The following NBAS variants were observed in gnomAD, a reference collection of about 807,000 sequenced individuals.
The protein encoded by NBAS is NBAS subunit of NRZ tethering complex, also known as NAG/BC035112 fusion.
A neutral mutation model predicts 302.5 loss-of-function variants in NBAS; 219 were observed. That is an observed-to-expected ratio of 0.72 (90% confidence interval 0.65 to 0.81). The LOEUF is 0.81. Ranked by LOEUF, NBAS falls within the 30% of genes least tolerant of loss-of-function variation. The pLI, the probability that NBAS is intolerant of heterozygous loss-of-function variation, is 0.00. For synonymous variants in NBAS, 1,118 were observed against 1,021.6 expected (o/e 1.09, Z -1.80); for missense variants, 2,932 against 2,841.6 (o/e 1.03, Z -0.72).
chr2:14,856,567 A>C, the NBAS span, among the ~76,000 whole-genome samples: 2 of 152,230 alleles, frequency 1.3e-5, no homozygotes, highest in Non-Finnish European at 2.9e-5. Flanking sequence ...ACAGAGAAGG[A>C]ATTCAAAATT....
intron 35 of NBAS, among the ~76,000 whole-genome samples, chr2:15,350,072 ATTAGATCC>A (rs1372094202): frequency 6.6e-6 from 1 of 152,274 alleles, no homozygotes; most frequent in East Asian, 1.9e-4. Context: ...ACACACGCAT[ATTAGATCC>A]ATGTTCACCA....
intron 40 of NBAS, among the ~76,000 whole-genome samples, chr2:15,294,805 T>A (rs944136247): frequency 6.6e-6 from 1 of 152,154 alleles, no homozygotes. Flanking sequence ...GTGCCCCAGA[T>A]TTACACCCCA....
chr2:15,254,030 G>C (rs998849166), intron 44 of NBAS, among the ~76,000 whole-genome samples: 1 of 152,130 alleles, frequency 6.6e-6, no homozygotes, highest in Non-Finnish European at 1.5e-5. Flanking sequence ...CTAAGATGTA[G>C]ACATAAGCAA....
At chr2:15,507,250 G>T (rs953440512) in intron 10 of NBAS, among the ~76,000 whole-genome samples, 1 of 152,166 alleles carries the variant, frequency 6.6e-6, no homozygotes, top group Non-Finnish European at 1.5e-5. Flanking sequence ...CAAGAGAAAA[G>T]TTACAGTACA....
At chr2:15,281,500 C>T (rs1001804388) in intron 42 of NBAS, among the ~76,000 whole-genome samples, 1 of 152,138 alleles carries the variant, frequency 6.6e-6, no homozygotes, top group African/African-American at 2.4e-5. Context: ...TGTGATGGGT[C>T]TGGTAAATCT....
intron 19 of NBAS, among the ~76,000 whole-genome samples, chr2:15,465,301 T>C (rs887986375): frequency 6.6e-6 from 1 of 152,214 alleles, no homozygotes; most frequent in African/African-American, 2.4e-5. Flanking sequence ...TGCCTGCCTT[T>C]TGTGAAAGGC....
the NBAS span, among the ~76,000 whole-genome samples, chr2:15,116,072 A>G: frequency 6.6e-6 from 1 of 152,176 alleles, no homozygotes; most frequent in Non-Finnish European, 1.5e-5. Context: ...AACAGCCACA[A>G]GAGAGTTGCA....
intron 23 of NBAS, among the ~76,000 whole-genome samples, chr2:15,423,072 AGAT>A (rs972074587): frequency 9.2e-5 from 14 of 152,312 alleles, no homozygotes; most frequent in African/African-American, 3.4e-4. Flanking sequence ...TTTTTTATAC[AGAT>A]TCTATTTTAA....
chr2:14,912,702 TTAAAAAAAAA>T, the NBAS span, among the ~76,000 whole-genome samples: 3 of 101,276 alleles, frequency 3.0e-5, no homozygotes, highest in Non-Finnish European at 6.7e-5. Flanking sequence ...GCATTCATTT[TTAAAAAAAAA>T]AAAAAAAAAA....
the NBAS span, among the ~76,000 whole-genome samples, chr2:14,779,319 G>A: frequency 6.6e-6 from 1 of 152,142 alleles, no homozygotes; most frequent in Non-Finnish European, 1.5e-5. Context: ...TGCAGCGCTT[G>A]GCCCCTTCAG....
chr2:15,052,838 T>C, the NBAS span, among the ~76,000 whole-genome samples: 1 of 152,374 alleles, frequency 6.6e-6, no homozygotes, highest in African/African-American at 2.4e-5. Flanking sequence ...TTTCAAATTA[T>C]ATGCATATTT....
At chr2:15,449,403 GT>G (rs1448841246) in intron 21 of NBAS, among the ~76,000 whole-genome samples, 1 of 152,134 alleles carries the variant, frequency 6.6e-6, no homozygotes, top group Non-Finnish European at 1.5e-5. Context: ...TCCATAGTCA[GT>G]CATGAGATGT....
In NBAS at chr2:15,461,286, G is replaced by A. The variant is rs2148559896; in HGVS notation, c.2254C>T (p.Leu752=). 1 of 1,613,180 alleles carries A rather than the reference G, an allele frequency of 6.2e-7. No homozygotes were observed. Among genetic ancestry groups the A allele is most frequent in the East Asian group, 2.2e-5 (1 of 44,854 alleles). ...EILFTYHGSD[L]LPHRLAILSN... ...AGAATTGCAAGGCGATGAGGAAGCA[G>A]GTCGGAACCATGGTAAGTAAACAGA... Residue 752 remains leucine, a synonymous_variant, in exon 21 of 52, where the codon CTG becomes TTG. Transcript: ENST00000281513.
At chr2:14,786,371 A>T in the NBAS span, among the ~76,000 whole-genome samples, 6 of 152,026 alleles carry the variant, frequency 3.9e-5, no homozygotes, top group Admixed American at 3.9e-4. Flanking sequence ...TAGCTTTTGA[A>T]TGTGTTTGCT....
chr2:15,216,098 A>G (rs1423937169), intron 48 of NBAS, among the ~76,000 whole-genome samples: 3 of 152,222 alleles, frequency 2.0e-5, no homozygotes, highest in Admixed American at 6.5e-5. Flanking sequence ...GATTTCAATC[A>G]GTAATGCCAG....
rs1019254389 is a variant in NBAS at position 15,501,404 on chromosome 2, A to G, written c.954+2741T>C. Among the ~76,000 whole-genome samples the G allele has an allele frequency of 2.0e-5, 3 of 152,184 alleles. No individual in the cohort carries two copies. The East Asian group carries it at 5.8e-4, about 29-fold the overall frequency. On this transcript the variant is annotated intron_variant, in intron 11 of 51. Transcript: ENST00000281513. The stretch of plus-strand genomic sequence containing the variant: ...CTGTGGACTACTAATTATTAATTCT[A>G]TAATTCAGGATATAAAGAAATTAAC...
In NBAS at chr2:15,258,824, T is replaced by C. The variant is rs531013739; in HGVS notation, c.5724+16660A>G. On this transcript the variant is annotated intron_variant, in intron 44 of 51. Coordinates refer to ENST00000281513, the MANE Select transcript of NBAS (RefSeq NM_015909.4). ...AGCATGTGATCTTTGTTCTCCTTTT[T>C]GCCCTTTGAAGCATGTGATCTTTGT... Among the ~76,000 whole-genome samples the C allele has an allele frequency of 1.1e-4, 17 of 152,366 alleles. No homozygotes were observed. In the East Asian group the frequency reaches 3.1e-3, roughly 28 times the overall value.
At chr2:15,424,564 G>A in intron 22 of NBAS, 96 bp from the exon 23 acceptor site, 2 of 1,373,064 alleles carry the variant, frequency 1.5e-6, no homozygotes, top group Non-Finnish European at 2.1e-6. Flanking sequence ...TGGGGAGAAA[G>A]TAAGAGACAG....
In NBAS at chr2:15,292,699, G is replaced by A. The variant is rs1189180769; in HGVS notation, c.4865C>T (p.Pro1622Leu). The stretch of plus-strand genomic sequence containing the variant: ...CTTGGTCAGTGAAATAAGGTCTTCA[G>A]GCCAGGCTTCGTGCTCATGTCGAGT... ...HVTRHEHEAW[P>L]EDLISLTKQL... The change falls in exon 41 of 52, where the codon CCT becomes CTT. Residue 1622 changes from proline to leucine, a missense_variant. Transcript: ENST00000281513. 8 of 1,614,082 alleles carry A rather than the reference G, an allele frequency of 5.0e-6. No homozygotes were observed. The highest frequency in any genetic ancestry group is 1.6e-4 in the Middle Eastern group (1 of 6,084).
Sources: gnomAD v4.1 joint callset for allele counts (sites outside exome capture counted in the v4.1 genomes callset) on GRCh38, gnomAD v4.1.1 for gene constraint, MANE v1.5 for transcripts, NCBI Gene and HGNC (gene_info 2026-07-23, HGNC 2026-07-21) for gene names.